FAM83B: variants seen among roughly 807,000 people sequenced by gnomAD.
FAM83B encodes scaffolding CK1 anchoring protein B.
A neutral mutation model predicts 38.8 loss-of-function variants in FAM83B; 26 were observed. The ratio of observed to expected loss-of-function variants is 0.67; its 90% CI spans 0.49 to 0.93. The LOEUF (loss-of-function observed/expected upper bound fraction) is 0.93, where lower values mean the gene tolerates loss of function less well. Among genes scored for constraint, FAM83B ranks in the 40% least tolerant of loss-of-function variants. The pLI is 0.00. For missense variants in FAM83B, 1,237 were observed against 1,197.3 expected, an observed-to-expected ratio of 1.03 and a Z score of -0.49; for synonymous variants, 419 against 423.1, an observed-to-expected ratio of 0.99 and a Z score of 0.12.
At chr6:54,887,242 T>C (rs1276803409) in intron 2 of FAM83B, among the ~76,000 whole-genome samples, 1 of 152,222 alleles carries the variant, frequency 6.6e-6, no homozygotes, top group Non-Finnish European at 1.5e-5. Flanking sequence ...AGGTCTCCTT[T>C]TCCAAGGGTT....
At chr6:54,870,721 T>C in intron 2 of FAM83B, 31 bp downstream of exon 2, 1 of 1,540,732 alleles carries the variant, frequency 6.5e-7, no homozygotes, top group Non-Finnish European at 8.7e-7. Context: ...AAATGAAAAA[T>C]TTGAAACATG....
intron 2 of FAM83B, among the ~76,000 whole-genome samples, chr6:54,902,132 A>T (rs1772672948): frequency 6.6e-6 from 1 of 152,156 alleles, no homozygotes; most frequent in South Asian, 2.1e-4. Flanking sequence ...TGTATTTTTA[A>T]AGATAGCAGA....
chr6:54,927,658 TG>T (rs777814489), intron 4 of FAM83B, 26 bp downstream of exon 4: 1 of 1,491,502 alleles, frequency 6.7e-7, no homozygotes, highest in South Asian at 1.5e-5. Context: ...TTAACTTCAG[TG>T]TTATCAATCG....
At chr6:54,855,101 C>A (rs1257601505) in intron 1 of FAM83B, among the ~76,000 whole-genome samples, 1 of 151,864 alleles carries the variant, frequency 6.6e-6, no homozygotes, top group Non-Finnish European at 1.5e-5. Context: ...GTTCAAATTG[C>A]AATAAAATAT....
chr6:54,944,545 G>A lies in FAM83B; in HGVS notation c.*2538G>A, dbSNP rs1439641062. 1 of 152,148 alleles carries A rather than the reference G, an allele frequency of 6.6e-6. No individual in the cohort carries two copies. Among genetic ancestry groups the A allele is most frequent in the African/African-American group, 2.4e-5 (1 of 41,432 alleles). 9.4% of individuals were successfully genotyped at this position (152,148 alleles called of 1,614,324 possible). ...TCTGACATGGTGTGTTCAGGTATGGGTATATGTTGTCAGTCTACACTTGTG... is the reference window on the plus strand; with the variant it reads ...TCTGACATGGTGTGTTCAGGTATGGATATATGTTGTCAGTCTACACTTGTG... On this transcript the variant is annotated 3_prime_UTR_variant, in exon 5 of 5. Transcript: ENST00000306858.
At chr6:54,870,715 G>GA in intron 2 of FAM83B, 25 bp downstream of exon 2, 1 of 1,544,948 alleles carries the variant, frequency 6.5e-7, no homozygotes, top group Non-Finnish European at 8.7e-7. Flanking sequence ...ATTTTGAAAT[G>GA]AAAAATTTGA....
At chr6:54,869,955 C>A (rs1771804586) in intron 1 of FAM83B, among the ~76,000 whole-genome samples, 1 of 152,018 alleles carries the variant, frequency 6.6e-6, no homozygotes. Flanking sequence ...AATTGAGATA[C>A]CTTGGAAAAG....
chr6:54,895,999 C>G (rs1431028357), intron 2 of FAM83B, among the ~76,000 whole-genome samples: 1 of 152,172 alleles, frequency 6.6e-6, no homozygotes, highest in Non-Finnish European at 1.5e-5. Context: ...TCAAGCTGTT[C>G]TCCTGCCTCA....
Position 54,940,496 on chromosome 6 carries a change from C to G in FAM83B, c.1525C>G (p.Pro509Ala), listed in dbSNP as rs781353175. ...CTTAAATGATCATTCAGAAGCTACA[C>G]CGGACTCAAATGGATCAGCTTTAGG... ...SYLNDHSEAT[P>A]DSNGSALGDR... is the part of the protein sequence containing the mutation. Residue 509 changes from proline (P) to alanine (A), a missense_variant, in exon 5 of 5, where the codon CCG (proline) becomes GCG (alanine). Pro to Ala is a conservative substitution (Grantham distance 27). Coordinates refer to ENST00000306858, the MANE Select transcript of FAM83B (RefSeq NM_001010872.3). 6.2e-7 allele frequency: 1 copy of G among 1,614,066 alleles called. No homozygotes were observed. Among genetic ancestry groups the G allele is most frequent in the South Asian group, 1.1e-5 (1 of 91,080 alleles).
At chr6:54,906,929 G>A (rs1245751656) in intron 2 of FAM83B, among the ~76,000 whole-genome samples, 1 of 152,074 alleles carries the variant, frequency 6.6e-6, no homozygotes, top group African/African-American at 2.4e-5. Flanking sequence ...ATATATTTGT[G>A]AACCCTTTTG....
intron 2 of FAM83B, among the ~76,000 whole-genome samples, chr6:54,921,908 T>C (rs550042108): frequency 6.6e-6 from 1 of 152,178 alleles, no homozygotes; most frequent in East Asian, 1.9e-4. Context: ...AAAGTTACAT[T>C]ATATTTTGCC....
chr6:54,914,425 T>G (rs897106733), intron 2 of FAM83B, among the ~76,000 whole-genome samples: 10 of 152,256 alleles, frequency 6.6e-5, no homozygotes, highest in African/African-American at 9.6e-5. Flanking sequence ...CCCAATGAAT[T>G]TGAATTTTTT....
intron 4 of FAM83B, among the ~76,000 whole-genome samples, chr6:54,930,374 C>T (rs1773393635): frequency 6.6e-6 from 1 of 152,086 alleles, no homozygotes; most frequent in Non-Finnish European, 1.5e-5. Flanking sequence ...TCTATGACAT[C>T]CCATCTGAAC....
Position 54,927,520 on chromosome 6 carries a change from C to G in FAM83B, c.622C>G (p.Arg208Gly), listed in dbSNP as rs754843324. 1 of 1,595,764 alleles carries G rather than the reference C, an allele frequency of 6.3e-7. No individual in the cohort carries two copies. The highest frequency in any genetic ancestry group is 8.5e-7 in the Non-Finnish European group (1 of 1,169,610). ...SVQRLRNIRV[R>G]TVKGQDYLSK... ...CATATAATTCTAGAATATTCGAGTG[C>G]GAACAGTAAAAGGCCAAGATTATCT... The change falls in exon 4 of 5, where the codon CGA (arginine) becomes GGA (glycine). Residue 208 changes from arginine to glycine, a missense_variant. By Grantham distance (125) the Arg-to-Gly change is moderately radical. Transcript: ENST00000306858.
chr6:54,853,631 C>T (rs1005207764), intron 1 of FAM83B, among the ~76,000 whole-genome samples: 1 of 152,038 alleles, frequency 6.6e-6, no homozygotes, highest in African/African-American at 2.4e-5. Flanking sequence ...CTGTTGAGAC[C>T]TACTTCTCAG....
Position 54,944,052 on chromosome 6 carries a change from C to A in FAM83B, c.*2045C>A, listed in dbSNP as rs377172294. ...TGCACAGCAGATTTATTTTTCTCTGCGTTTTTTAAAAATTGTTTTTCTTGT... is the reference window on the plus strand; with the variant it reads ...TGCACAGCAGATTTATTTTTCTCTGAGTTTTTTAAAAATTGTTTTTCTTGT... On this transcript the variant is annotated 3_prime_UTR_variant, in exon 5 of 5. Coordinates refer to ENST00000306858, the MANE Select transcript of FAM83B (RefSeq NM_001010872.3). 1 of 152,034 alleles carries A rather than the reference C, an allele frequency of 6.6e-6. No homozygotes were observed. Among genetic ancestry groups the A allele is most frequent in the East Asian group, 1.9e-4 (1 of 5,190 alleles). The allele number at this position is 152,034 out of a possible 1,614,324, so 9.4% of individuals were successfully genotyped here.
At chr6:54,900,654 G>GTT (rs1465541309) in intron 2 of FAM83B, among the ~76,000 whole-genome samples, 2 of 152,150 alleles carry the variant, frequency 1.3e-5, no homozygotes, top group Non-Finnish European at 2.9e-5. Context: ...ATAAGTATGT[G>GTT]TCAGTGACAA....
intron 4 of FAM83B, among the ~76,000 whole-genome samples, chr6:54,932,300 C>T (rs1213084911): frequency 6.6e-6 from 1 of 152,108 alleles, no homozygotes; most frequent in Non-Finnish European, 1.5e-5. Context: ...GCGTAAGCCA[C>T]CATGCATGGC....
chr6:54,873,398 G>A (rs975063821), intron 2 of FAM83B, among the ~76,000 whole-genome samples: 1 of 152,150 alleles, frequency 6.6e-6, no homozygotes, highest in Non-Finnish European at 1.5e-5. Context: ...ACATGGTCCT[G>A]TGAAGAATTT....
Sources: gnomAD v4.1 joint callset for allele counts (sites outside exome capture counted in the v4.1 genomes callset) on GRCh38, gnomAD v4.1.1 for gene constraint, MANE v1.5 for transcripts, NCBI Gene and HGNC (gene_info 2026-07-23, HGNC 2026-07-21) for gene names.